The following CCNF variants were observed in gnomAD, a reference collection of about 807,000 sequenced individuals.
CCNF encodes cyclin-F.
A neutral mutation model predicts 85.4 loss-of-function variants in CCNF; 30 were observed. That is an observed-to-expected ratio of 0.35 (90% CI 0.26 to 0.48). The LOEUF is 0.48. Among genes scored for constraint, CCNF ranks in the 20% least tolerant of loss-of-function variants. The pLI is 0.99. For missense variants in CCNF, 919 were observed against 1,010.4 expected, an observed-to-expected ratio of 0.91 and a Z score of 1.23; for synonymous variants, 439 against 425.1, an observed-to-expected ratio of 1.03 and a Z score of -0.40.
In CCNF at chr16:2,431,203, G is replaced by C; in HGVS notation, c.90G>C (p.Leu30=). The change falls in exon 2 of 17, where the codon CTG becomes CTC. Residue 30 remains leucine (L), a synonymous_variant. Transcript: ENST00000397066. Reference sequence around the variant, plus strand: ...GAATAAGGAGGAGGCCCCGAAACCTGACCATCTTGAGTCTCCCCGAAGATG... The same window carrying C: ...GAATAAGGAGGAGGCCCCGAAACCTCACCATCTTGAGTCTCCCCGAAGATG... ...KRRIRRRPRN[L]TILSLPEDVL... 6.2e-7 allele frequency: 1 copy of C among 1,614,132 alleles called. No homozygotes were observed. Among genetic ancestry groups the C allele is most frequent in the Non-Finnish European group, 8.5e-7 (1 of 1,180,006 alleles).
At chr16:2,455,690 G>C (rs535989228) in intron 16 of CCNF, 126 bp downstream of exon 16, 25 of 1,388,662 alleles carry the variant, frequency 1.8e-5, no homozygotes, top group Non-Finnish European at 2.4e-5. Context: ...TGCGGGGTGG[G>C]GCCAGCTCCT....
chr16:2,439,003 C>T (rs2065306797), intron 6 of CCNF, among the ~76,000 whole-genome samples: 1 of 150,048 alleles, frequency 6.7e-6, no homozygotes, highest in Non-Finnish European at 1.5e-5. Context: ...GCCTCAACAA[C>T]AACAAAAAAA....
chr16:2,442,804 A>G (rs1425669775), intron 8 of CCNF, among the ~76,000 whole-genome samples: 1 of 75,272 alleles, frequency 1.3e-5, no homozygotes, highest in Non-Finnish European at 2.3e-5. Context: ...ATTCTATAAT[A>G]TATAATATAT....
intron 13 of CCNF, 62 bp downstream of exon 13, chr16:2,449,977 C>CGG: frequency 8.6e-7 from 1 of 1,158,002 alleles, no homozygotes; most frequent in Admixed American, 1.7e-5. Flanking sequence ...GAGGCCGAGG[C>CGG]GGGCAGATCA....
intron 9 of CCNF, 63 bp from the exon 10 acceptor site, chr16:2,445,395 A>G (rs2065355901): frequency 1.3e-6 from 2 of 1,576,370 alleles, no homozygotes; most frequent in Non-Finnish European, 1.7e-6. Flanking sequence ...GTGGGGTTGA[A>G]ATCGCAGACA....
rs192518497 is a variant in CCNF at position 2,453,372 on chromosome 16, C to T, written c.1588-38C>T. The T allele has an allele frequency of 2.8e-4, 453 of 1,613,722 alleles. 1 individual carries two copies. In the African/African-American group the frequency reaches 4.5e-3, roughly 16 times the overall value. ...CTGGGGTGTGGGCGGGCCTCACCCT[C>T]GGGGCCTCTGCACCCCCTAACTCTA... On this transcript the variant is annotated intron_variant, in intron 14 of 16. Transcript: ENST00000397066. The surrounding 1 kb of genome is among the most constrained non-coding windows in gnomAD (Gnocchi z 5.6).
At chr16:2,448,672 CT>C (rs2065374990) in intron 10 of CCNF, among the ~76,000 whole-genome samples, 182 bp from the exon 11 acceptor site, 1 of 152,150 alleles carries the variant, frequency 6.6e-6, no homozygotes, top group Non-Finnish European at 1.5e-5. Context: ...TGGGCCTCCC[CT>C]TTTTTAAATG....
intron 12 of CCNF, 130 bp downstream of exon 12, chr16:2,449,592 C>T (rs1414187121): frequency 8.8e-6 from 8 of 913,782 alleles, no homozygotes; most frequent in East Asian, 2.6e-5. Context: ...TACAGCACGG[C>T]TCCTACCTTC....
chr16:2,440,937 A>T (rs2065317778), intron 8 of CCNF, among the ~76,000 whole-genome samples: 1 of 152,050 alleles, frequency 6.6e-6, no homozygotes, highest in South Asian at 2.1e-4. Context: ...AAAAATTTTA[A>T]AATTAGCTGG....
chr16:2,434,546 G>C (rs13331211), intron 3 of CCNF, among the ~76,000 whole-genome samples: 5,664 of 152,308 alleles, frequency 0.037, 349 homozygotes, highest in African/African-American at 0.12. Flanking sequence ...AGGAGGCAGA[G>C]GTTGCAGTGA....
At chr16:2,433,394 G>A (rs1312233171) in intron 3 of CCNF, among the ~76,000 whole-genome samples, 8 of 152,008 alleles carry the variant, frequency 5.3e-5, no homozygotes, top group Admixed American at 5.2e-4. Flanking sequence ...CCTTCCCTTT[G>A]GTCAAAACCA....
chr16:2,446,383 TGCCCTGCAGA>T (rs1387716458), intron 10 of CCNF, among the ~76,000 whole-genome samples: 3 of 152,234 alleles, frequency 2.0e-5, no homozygotes, highest in Non-Finnish European at 2.9e-5. Flanking sequence ...CCCCCACTGG[TGCCCTGCAGA>T]GCCCACTCCA....
intron 15 of CCNF, among the ~76,000 whole-genome samples, chr16:2,454,713 A>G (rs531617658): frequency 1.3e-5 from 2 of 152,326 alleles, no homozygotes; most frequent in Non-Finnish European, 2.9e-5. Context: ...AGGCCAGGCC[A>G]TTCCATGCAA....
chr16:2,455,879 C>G (rs1014686662), intron 16 of CCNF, among the ~76,000 whole-genome samples: 1 of 152,208 alleles, frequency 6.6e-6, no homozygotes, highest in African/African-American at 2.4e-5. Flanking sequence ...GTCTGGAGTT[C>G]ATGGAGATCC....
intron 10 of CCNF, among the ~76,000 whole-genome samples, chr16:2,447,281 T>TC (rs1220138650): frequency 5.3e-5 from 8 of 151,916 alleles, no homozygotes; most frequent in Admixed American, 5.2e-4. Flanking sequence ...TTATCTTTTT[T>TC]TTTTTTTTTT....
chr16:2,445,101 C>T (rs967462021), intron 9 of CCNF, among the ~76,000 whole-genome samples: 1 of 152,134 alleles, frequency 6.6e-6, no homozygotes, highest in Non-Finnish European at 1.5e-5. Context: ...CATTCCCTTG[C>T]GACTGTCCAC....
intron 2 of CCNF, among the ~76,000 whole-genome samples, chr16:2,432,632 C>T (rs546624372): frequency 6.6e-6 from 1 of 152,182 alleles, no homozygotes; most frequent in Admixed American, 6.5e-5. Flanking sequence ...TTCCGTCCTG[C>T]CTGCCCCCTT....
intron 5 of CCNF, 141 bp from the exon 6 acceptor site, chr16:2,437,929 A>C: frequency 1.6e-6 from 1 of 606,980 alleles, no homozygotes; most frequent in East Asian, 2.7e-5. Context: ...AAAAGACTGA[A>C]ATCTGGGAGT....
rs189194179 is a variant in CCNF at position 2,445,454 on chromosome 16, G to A, written c.930-4G>A. ...CCAGTTCCCACGTGCTTCTCTTTCC[G>A]CAGGTACATTCTGATCGACTGGCTG... On this transcript the variant is annotated splice_polypyrimidine_tract_variant and splice_region_variant and intron_variant, in intron 9 of 16. Coordinates refer to ENST00000397066, the MANE Select transcript of CCNF (RefSeq NM_001761.3). 3.2e-5 allele frequency: 51 copies of A among 1,613,846 alleles called. No homozygotes were observed. Among genetic ancestry groups the A allele is most frequent in the Admixed American group, 1.8e-4 (11 of 59,960 alleles).
Sources: allele counts gnomAD v4.1 joint callset (sites outside exome capture counted in the v4.1 genomes callset), GRCh38; gene constraint gnomAD v4.1.1; non-coding constraint Gnocchi (gnomAD v3.1); transcripts MANE v1.5; gene names NCBI Gene and HGNC (gene_info 2026-07-23, HGNC 2026-07-21).